The following VAV3 variants were observed in gnomAD, a reference collection of about 807,000 sequenced individuals.
The protein encoded by VAV3 is vav guanine nucleotide exchange factor 3.
In VAV3, 94 loss-of-function variants were observed where a neutral mutation model predicts 131.2. The ratio of observed to expected loss-of-function variants is 0.72; its 90% CI spans 0.61 to 0.85. The LOEUF is 0.85. Ranked by LOEUF, VAV3 falls within the 40% of genes least tolerant of loss-of-function variation. The pLI is 0.00. For synonymous variants in VAV3, 349 were observed against 342.0 expected, an observed-to-expected ratio of 1.02 and a Z score of -0.22; for missense variants, 939 against 1,002.7, an observed-to-expected ratio of 0.94 and a Z score of 0.86.
intron 22 of VAV3, among the ~76,000 whole-genome samples, chr1:107,607,666 A>C (rs1225483727): frequency 6.6e-6 from 1 of 152,226 alleles, no homozygotes; most frequent in South Asian, 2.1e-4. Flanking sequence ...CTTGTTCTGC[A>C]TACAGATTTT....
chr1:107,963,120 G>T (rs1675212210), intron 1 of VAV3, among the ~76,000 whole-genome samples: 1 of 152,194 alleles, frequency 6.6e-6, no homozygotes, highest in Non-Finnish European at 1.5e-5. Context: ...GTCTTCAGCT[G>T]TCCAGAAAAC....
intron 25 of VAV3, among the ~76,000 whole-genome samples, chr1:107,575,720 T>C (rs1649601089): frequency 2.0e-5 from 3 of 152,240 alleles, no homozygotes; most frequent in Non-Finnish European, 2.9e-5. Context: ...TTCTCATCTA[T>C]GAAATGAAAT....
chr1:107,725,793 G>A (rs1041058690), intron 15 of VAV3, among the ~76,000 whole-genome samples: 3 of 152,162 alleles, frequency 2.0e-5, no homozygotes, highest in Admixed American at 1.3e-4. Flanking sequence ...GATTACAGGT[G>A]TGAGCCACCG....
At chr1:107,918,953 C>T (rs1347802571) in intron 1 of VAV3, among the ~76,000 whole-genome samples, 4 of 151,904 alleles carry the variant, frequency 2.6e-5, no homozygotes, top group South Asian at 2.1e-4. Flanking sequence ...GTGATCCGCC[C>T]GCCTCAGCCT....
chr1:107,636,670 T>C (rs1449363265), intron 20 of VAV3, among the ~76,000 whole-genome samples: 1 of 152,136 alleles, frequency 6.6e-6, no homozygotes, highest in African/African-American at 2.4e-5. Context: ...AACAGAATGG[T>C]TGCATGGGCC....
chr1:107,960,323 G>C (rs546061304), intron 1 of VAV3, among the ~76,000 whole-genome samples: 2 of 152,040 alleles, frequency 1.3e-5, no homozygotes, highest in African/African-American at 4.8e-5. Context: ...AAAAGTAGCC[G>C]GGAGTAGTGG....
chr1:107,775,946 C>T (rs536590160), intron 4 of VAV3, among the ~76,000 whole-genome samples: 1 of 152,158 alleles, frequency 6.6e-6, no homozygotes, highest in Non-Finnish European at 1.5e-5. Context: ...ACAACCTCTG[C>T]TCTAGAATAA....
chr1:107,734,268 A>T (rs1287155012), intron 15 of VAV3, among the ~76,000 whole-genome samples: 3 of 152,254 alleles, frequency 2.0e-5, no homozygotes, highest in African/African-American at 2.4e-5. Flanking sequence ...GCCAAATTGT[A>T]AAGACCAGCA....
chr1:107,752,134 T>A (rs1168679593), intron 12 of VAV3, among the ~76,000 whole-genome samples: 2 of 152,162 alleles, frequency 1.3e-5, no homozygotes, highest in Non-Finnish European at 2.9e-5. Context: ...GGCACTGGCA[T>A]ACAAACAGGT....
chr1:107,665,195 C>A (rs1378009109), intron 19 of VAV3, among the ~76,000 whole-genome samples: 1 of 152,004 alleles, frequency 6.6e-6, no homozygotes, highest in Non-Finnish European at 1.5e-5. Context: ...CAACAGCTGA[C>A]AAATTGAATA....
intron 19 of VAV3, among the ~76,000 whole-genome samples, chr1:107,644,910 GTGTATACACTAGTA>G (rs1655617624): frequency 6.7e-6 from 1 of 148,738 alleles, no homozygotes; most frequent in Non-Finnish European, 1.5e-5. Flanking sequence ...GTACATACTA[GTGTATACACTAGTA>G]TGTATACACT....
chr1:107,937,116 T>G (rs552495104), intron 1 of VAV3, among the ~76,000 whole-genome samples: 1 of 152,266 alleles, frequency 6.6e-6, no homozygotes, highest in South Asian at 2.1e-4. Context: ...AGCTCCATCA[T>G]TCACACCATA....
chr1:107,777,934 T>A (rs2102218081), intron 3 of VAV3, among the ~76,000 whole-genome samples: 1 of 152,324 alleles, frequency 6.6e-6, no homozygotes, highest in Non-Finnish European at 1.5e-5. Flanking sequence ...TGTTCCCTAT[T>A]CAAGAAAATC....
chr1:107,646,823 C>CTT (rs1197339563), intron 19 of VAV3, among the ~76,000 whole-genome samples: 1 of 151,878 alleles, frequency 6.6e-6, no homozygotes, highest in Non-Finnish European at 1.5e-5. Flanking sequence ...TTAAATAAAA[C>CTT]TAAAGCTACA....
chr1:107,753,474 A>G (rs1663864807), intron 12 of VAV3, among the ~76,000 whole-genome samples: 1 of 137,854 alleles, frequency 7.3e-6, no homozygotes, highest in African/African-American at 2.7e-5. Context: ...GTGTGTATGT[A>G]TGTGTGTGTG....
intron 20 of VAV3, among the ~76,000 whole-genome samples, chr1:107,621,102 TA>T (rs1653565995): frequency 2.6e-5 from 4 of 151,200 alleles, no homozygotes. Context: ...TTTTTTTTTT[TA>T]CCTCTTTTAA....
At chr1:107,821,735 C>T (rs1667800817) in intron 2 of VAV3, among the ~76,000 whole-genome samples, 1 of 152,146 alleles carries the variant, frequency 6.6e-6, no homozygotes, top group Admixed American at 6.5e-5. Context: ...ACTTTGGCTG[C>T]TCTATGGAAA....
At chr1:107,848,416 T>C (rs1050239436) in intron 2 of VAV3, among the ~76,000 whole-genome samples, 1 of 151,720 alleles carries the variant, frequency 6.6e-6, no homozygotes, top group African/African-American at 2.4e-5. Context: ...CAAGGCTGGT[T>C]CAACATATGA....
chr1:107,573,296 A>C lies in VAV3; in HGVS notation c.*35T>G. ...AGGCTTCTATTTATCCCTTCTCTGA[A>C]ATTTTTGGTGCAGGGTGCAACACGG... On this transcript the variant is annotated 3_prime_UTR_variant, in exon 27 of 27. Transcript: ENST00000370056. 1 of 1,610,472 alleles carries C rather than the reference A, an allele frequency of 6.2e-7. No individual in the cohort carries two copies. Among genetic ancestry groups the C allele is most frequent in the African/African-American group, 1.3e-5 (1 of 74,720 alleles).
Sources: allele counts gnomAD v4.1 joint callset (sites outside exome capture counted in the v4.1 genomes callset), GRCh38; gene constraint gnomAD v4.1.1; transcripts MANE v1.5; gene names NCBI Gene and HGNC (gene_info 2026-07-23, HGNC 2026-07-21).